Variants in ASB3 observed in about 807,000 individuals in gnomAD.
ASB3 encodes ankyrin repeat and SOCS box containing 3.
Under a neutral mutation model 54.5 loss-of-function variants are expected in ASB3, and 41 were observed. The ratio of observed to expected loss-of-function variants is 0.75; its 90% CI spans 0.59 to 0.98. The LOEUF is 0.98. Among genes scored for constraint, ASB3 ranks in the 50% least tolerant of loss-of-function variants. ASB3 has a pLI of 0.00. For synonymous variants in ASB3, 266 were observed against 221.2 expected (o/e 1.20, Z -1.80); for missense variants, 733 against 620.0 (o/e 1.18, Z -1.94).
At chr2:53,770,717 T>C (rs1368739610) in intron 1 of ASB3, among the ~76,000 whole-genome samples, 2 of 152,172 alleles carry the variant, frequency 1.3e-5, no homozygotes, top group Non-Finnish European at 2.9e-5. Context: ...AAGTGAAGCT[T>C]TCCATAATAT....
chr2:53,720,956 A>C (rs1043646226), intron 5 of ASB3, among the ~76,000 whole-genome samples: 2 of 151,774 alleles, frequency 1.3e-5, no homozygotes, highest in African/African-American at 4.8e-5. Context: ...ATCTCTACTA[A>C]AAATACAAAA....
intron 9 of ASB3, among the ~76,000 whole-genome samples, chr2:53,692,581 G>A (rs1372933212): frequency 6.6e-6 from 1 of 152,138 alleles, no homozygotes; most frequent in Non-Finnish European, 1.5e-5. Flanking sequence ...TTAGTCTACT[G>A]CAGGGTAATG....
intron 3 of ASB3, among the ~76,000 whole-genome samples, chr2:53,738,039 T>C (rs952159863): frequency 3.9e-5 from 6 of 152,212 alleles, no homozygotes; most frequent in African/African-American, 1.4e-4. Flanking sequence ...TGTGTACCTC[T>C]TATGGTATTT....
chr2:53,750,980 C>T, intron 2 of ASB3, 39 bp from the exon 3 acceptor site: 2 of 1,426,308 alleles, frequency 1.4e-6, no homozygotes, highest in Non-Finnish European at 1.8e-6. Flanking sequence ...GAAGGTATTA[C>T]TTCTATTTCC....
chr2:53,761,003 C>T (rs544661476), intron 2 of ASB3, among the ~76,000 whole-genome samples: 53 of 152,278 alleles, frequency 3.5e-4, no homozygotes, highest in African/African-American at 1.1e-3. Context: ...CTAAACTGCA[C>T]GACCCCTACT....
intron 5 of ASB3, among the ~76,000 whole-genome samples, chr2:53,727,307 A>C (rs1671057351): frequency 6.6e-6 from 1 of 152,158 alleles, no homozygotes. Context: ...TAAGTGTTTG[A>C]AGGTTTCTAA....
At chr2:53,766,357 C>A (rs1006769489) in intron 1 of ASB3, among the ~76,000 whole-genome samples, 1 of 152,186 alleles carries the variant, frequency 6.6e-6, no homozygotes, top group Non-Finnish European at 1.5e-5. Flanking sequence ...CTCGAAGACA[C>A]AATTTCTTGT....
rs773501905 is a variant in ASB3 at position 53,714,434 on chromosome 2, C to A, written c.930G>T (p.Ala310=). 1 of 1,614,094 alleles carries A rather than the reference C, an allele frequency of 6.2e-7. No individual in the cohort carries two copies. ...LRNGYSPDAQ[A]CLVFGFSSPV... is the part of the protein sequence containing the mutation. ...GAGAACTGAATCCAAAAACAAGGCACGCCTGGGCGTCTGGGCTGTAGCCAT... is the reference window on the plus strand; with the variant it reads ...GAGAACTGAATCCAAAAACAAGGCAAGCCTGGGCGTCTGGGCTGTAGCCAT... The change falls in exon 7 of 10, where the codon GCG becomes GCT. Residue 310 remains alanine (A), a synonymous_variant. Transcript: ENST00000263634.
At chr2:53,734,678 C>A (rs887123196) in intron 3 of ASB3, among the ~76,000 whole-genome samples, 1 of 152,146 alleles carries the variant, frequency 6.6e-6, no homozygotes, top group African/African-American at 2.4e-5. Context: ...AATTCAATGG[C>A]CTTTTCTCAG....
chr2:53,765,233 T>A lies in ASB3; in HGVS notation c.196+144A>T, dbSNP rs1424708233. 5 of 1,198,726 alleles carry A rather than the reference T, an allele frequency of 4.2e-6. No individual in the cohort carries two copies. The African/African-American group carries it at 7.7e-5, about 18-fold the overall frequency. 74.3% of individuals were successfully genotyped at this position (1,198,726 alleles called of 1,614,324 possible). ...GAATCCAAGGCAGGCAATCTTACTA[T>A]CCTTAATAAATAAATTCAGGCAGTT... On this transcript the variant is annotated intron_variant, in intron 2 of 9. Transcript: ENST00000263634.
chr2:53,768,465 T>C (rs2104119825), intron 1 of ASB3, among the ~76,000 whole-genome samples: 1 of 152,380 alleles, frequency 6.6e-6, no homozygotes, highest in Admixed American at 6.5e-5. Context: ...CTAGCCGACT[T>C]TCATGAGCTT....
chr2:53,739,018 A>G lies in ASB3; in HGVS notation c.356-9448T>C, dbSNP rs574769260. Among the ~76,000 whole-genome samples the G allele has an allele frequency of 1.4e-4, 21 of 152,386 alleles. No individual in the cohort carries two copies. In the South Asian group the frequency reaches 3.7e-3, roughly 27 times the overall value. ...GGGTAGGAACACTGCTTTTCCCACA[A>G]TGGATCATATAACATAGTATGGAAG... On this transcript the variant is annotated intron_variant, in intron 3 of 9. Transcript: ENST00000263634.
rs773208159 is a variant in ASB3 at position 53,670,497 on chromosome 2, A to G, written c.*6T>C. On this transcript the variant is annotated 3_prime_UTR_variant, in exon 10 of 10. Coordinates refer to ENST00000263634, the MANE Select transcript of ASB3 (RefSeq NM_016115.5). ...AAAATTAGCTGTGTTAAGTAGTTTC[A>G]CTGATTTATCCATCTTGAATAGCTG... 4.1e-5 allele frequency: 66 copies of G among 1,611,118 alleles called. No homozygotes were observed. The highest frequency in any genetic ancestry group is 5.3e-5 in the Non-Finnish European group (62 of 1,179,400).
chr2:53,730,473 G>T lies in ASB3; in HGVS notation c.356-903C>A, dbSNP rs146534099. ...GAAAGAAGATTTAAGTTGATTTCAT[G>T]TCTTGGTGATTGTGAATGGTGCTGC... On this transcript the variant is annotated intron_variant, in intron 3 of 9. Coordinates refer to ENST00000263634, the MANE Select transcript of ASB3 (RefSeq NM_016115.5). Among the ~76,000 whole-genome samples, 149 of 152,316 alleles carry T rather than the reference G, an allele frequency of 9.8e-4. 1 individual carries two copies. The highest frequency in any genetic ancestry group is 3.5e-3 in the African/African-American group (146 of 41,566).
Position 53,765,467 on chromosome 2 carries a change from CA to C in ASB3, c.105del (p.Ser35ArgfsTer22). 1 of 1,614,228 alleles carries C rather than the reference CA, an allele frequency of 6.2e-7. No individual in the cohort carries two copies. Among genetic ancestry groups the C allele is most frequent in the African/African-American group, 1.3e-5 (1 of 75,054 alleles). ...VLRKLLKKGRSVDVADNRGWM... is the reference protein window; with the variant it reads ...VLRKLLKKGRXVDVADNRGWM... Reference sequence around the variant, plus strand: ...CATCCCCTGTTATCAGCAACATCGACACTTCGGCCCTTTTTGAGCAGTTTCC... The same window carrying C: ...CATCCCCTGTTATCAGCAACATCGACCTTCGGCCCTTTTTGAGCAGTTTCC... On this transcript the variant is annotated frameshift_variant, in exon 2 of 10. Transcript: ENST00000263634. LOFTEE classifies it high-confidence loss of function.
At chr2:53,745,905 T>C (rs1672195674) in intron 3 of ASB3, among the ~76,000 whole-genome samples, 1 of 152,240 alleles carries the variant, frequency 6.6e-6, no homozygotes, top group East Asian at 1.9e-4. Flanking sequence ...TAGAAATTAT[T>C]TGTAGTTTGA....
chr2:53,725,657 T>A (rs1038766978), intron 5 of ASB3, among the ~76,000 whole-genome samples: 5 of 152,174 alleles, frequency 3.3e-5, no homozygotes, highest in Non-Finnish European at 7.3e-5. Flanking sequence ...CTAGAATACA[T>A]TTCGGTGGAA....
At chr2:53,750,462 G>A (rs1672454491) in intron 3 of ASB3, among the ~76,000 whole-genome samples, 1 of 152,046 alleles carries the variant, frequency 6.6e-6, no homozygotes, top group Non-Finnish European at 1.5e-5. Flanking sequence ...AGCATTCACA[G>A]GTAACCTTGC....
chr2:53,672,371 G>T (rs1667865829), intron 9 of ASB3, among the ~76,000 whole-genome samples: 1 of 152,020 alleles, frequency 6.6e-6, no homozygotes, highest in South Asian at 2.1e-4. Flanking sequence ...TAAACTTAAA[G>T]GAGAAATGAT....
Sources: allele counts gnomAD v4.1 joint callset (sites outside exome capture counted in the v4.1 genomes callset), GRCh38; gene constraint gnomAD v4.1.1; transcripts MANE v1.5; gene names NCBI Gene and HGNC (gene_info 2026-07-23, HGNC 2026-07-21).